Variants in SUDS3 observed in about 807,000 individuals in gnomAD.
SUDS3 encodes the protein SIN3A corepressor complex component SDS3.
In SUDS3, 23 loss-of-function variants were observed where a neutral mutation model predicts 53.5. The observed-to-expected ratio is 0.43, with a 90% CI of 0.31 to 0.61. The LOEUF is 0.61. SUDS3 is among the 20% of genes least tolerant of loss of function. The pLI, the probability that SUDS3 is intolerant of heterozygous loss-of-function variation, is 0.10. For missense variants in SUDS3, 291 were observed against 405.9 expected, an observed-to-expected ratio of 0.72 and a Z score of 2.43; for synonymous variants, 150 against 148.5, an observed-to-expected ratio of 1.01 and a Z score of -0.08.
chr12:118,397,840 A>G (rs2046229728), intron 6 of SUDS3, among the ~76,000 whole-genome samples: 1 of 152,036 alleles, frequency 6.6e-6, no homozygotes, highest in African/African-American at 2.4e-5. Flanking sequence ...GCTTACATCC[A>G]TCATGCATTG....
chr12:118,390,319 T>TA (rs895801613), intron 5 of SUDS3, among the ~76,000 whole-genome samples: 19 of 152,160 alleles, frequency 1.2e-4, no homozygotes, highest in African/African-American at 4.1e-4. Context: ...TCTGGGCCAG[T>TA]AAAAAAAGAC....
intron 2 of SUDS3, 93 bp downstream of exon 2, chr12:118,380,324 C>G (rs2046045163): frequency 1.8e-6 from 2 of 1,135,898 alleles, no homozygotes; most frequent in African/African-American, 3.1e-5. Context: ...TCAGATGCTC[C>G]AAAATCTAAA....
chr12:118,395,547 C>T (rs888370890), intron 6 of SUDS3, among the ~76,000 whole-genome samples: 1 of 151,824 alleles, frequency 6.6e-6, no homozygotes, highest in Non-Finnish European at 1.5e-5. Context: ...TTTTAATGTG[C>T]TTGAGGGTGC....
At chr12:118,382,270 A>T (rs1176414396) in intron 2 of SUDS3, among the ~76,000 whole-genome samples, 1 of 150,634 alleles carries the variant, frequency 6.6e-6, no homozygotes, top group Non-Finnish European at 1.5e-5. Context: ...CTGGTCTTGA[A>T]CTCCTGACCT....
rs570299261 is a variant in SUDS3 at position 118,398,182 on chromosome 12, A to G, written c.518-2477A>G. ...TGATAGAACTCCCGTTACGCCAGGCACTGTGCTAAGATTTCACACATATCA... is the reference window on the plus strand; with the variant it reads ...TGATAGAACTCCCGTTACGCCAGGCGCTGTGCTAAGATTTCACACATATCA... On this transcript the variant is annotated intron_variant, in intron 6 of 11. Coordinates refer to ENST00000543473, the MANE Select transcript of SUDS3 (RefSeq NM_022491.3). 1.2e-3 allele frequency among the ~76,000 whole-genome samples: 178 copies of G among 152,340 alleles called. 1 individual carries two copies. Among genetic ancestry groups the G allele is most frequent in the African/African-American group, 3.9e-3 (162 of 41,574 alleles).
intron 9 of SUDS3, chr12:118,402,212 A>T (rs2046269637): frequency 3.6e-6 from 2 of 552,786 alleles, no homozygotes; most frequent in African/African-American, 1.9e-5. Flanking sequence ...TGTTGTTTTT[A>T]TTTTTTTCTT....
At chr12:118,404,520 T>C (rs1202162536) in intron 10 of SUDS3, 1 of 152,264 alleles carries the variant, frequency 6.6e-6, no homozygotes, top group Non-Finnish European at 1.5e-5. Flanking sequence ...CATACTTTTG[T>C]TCATTCAACA....
At chr12:118,395,010 A>G (rs1044043476) in intron 6 of SUDS3, among the ~76,000 whole-genome samples, 5 of 151,998 alleles carry the variant, frequency 3.3e-5, no homozygotes, top group Admixed American at 1.3e-4. Flanking sequence ...AAACCCTAAG[A>G]TATATGTGGT....
chr12:118,395,243 T>TTTA (rs2046204137), intron 6 of SUDS3, among the ~76,000 whole-genome samples: 1 of 104,960 alleles, frequency 9.5e-6, no homozygotes, highest in African/African-American at 3.5e-5. Flanking sequence ...TTTTTTTTTT[T>TTTA]AAGACGGAGT....
At chr12:118,398,614 CT>C (rs375288763) in intron 6 of SUDS3, among the ~76,000 whole-genome samples, 8,228 of 113,182 alleles carry the variant, frequency 0.073, 336 homozygotes, top group African/African-American at 0.21. Context: ...ATGCAGAAGC[CT>C]TTTTTTTTTT....
At chr12:118,412,229 T>G (rs1044735711) in intron 11 of SUDS3, among the ~76,000 whole-genome samples, 2 of 152,204 alleles carry the variant, frequency 1.3e-5, no homozygotes, top group East Asian at 1.9e-4. Flanking sequence ...GTGTAACTTA[T>G]GTTGTTAGTT....
At chr12:118,411,456 A>G (rs2141394691) in intron 11 of SUDS3, among the ~76,000 whole-genome samples, 1 of 152,278 alleles carries the variant, frequency 6.6e-6, no homozygotes, top group Non-Finnish European at 1.5e-5. Context: ...ACAAAAAGCA[A>G]GTCTGTGTGG....
intron 11 of SUDS3, among the ~76,000 whole-genome samples, chr12:118,412,577 A>G (rs146536856): frequency 9.5e-4 from 145 of 152,286 alleles, no homozygotes; most frequent in African/African-American, 3.3e-3. Context: ...GCTAATAGAG[A>G]GACCTGGTCC....
chr12:118,380,130 T>G, intron 1 of SUDS3, 32 bp from the exon 2 acceptor site: 1 of 1,574,192 alleles, frequency 6.4e-7, no homozygotes, highest in Non-Finnish European at 8.7e-7. Context: ...AATTATGATT[T>G]TAACTAGCCC....
rs375157948 is a variant in SUDS3 at position 118,417,190 on chromosome 12, A to G, written c.*2757A>G. ...TTCATGCGGATACTAGTATTTATAG[A>G]TGTCTGACTACCTAACTTAATTTTT... On this transcript the variant is annotated 3_prime_UTR_variant, in exon 12 of 12. Coordinates refer to ENST00000543473, the MANE Select transcript of SUDS3 (RefSeq NM_022491.3). 3.9e-5 allele frequency: 6 copies of G among 152,098 alleles called. No homozygotes were observed. The highest frequency in any genetic ancestry group is 1.4e-4 in the African/African-American group (6 of 41,404). The allele number at this position is 152,098 out of a possible 1,614,324, so 9.4% of individuals were successfully genotyped here.
At position 118,376,572 on chromosome 12, in the gene SUDS3, C is replaced by G. The variant is rs1001363630; in HGVS notation, c.-120C>G. The G allele has an allele frequency of 4.1e-6, 5 of 1,210,020 alleles. No individual in the cohort carries two copies. The highest frequency in any genetic ancestry group is 5.2e-6 in the Non-Finnish European group (5 of 960,682). The allele number at this position is 1,210,020 out of a possible 1,614,324, so 75.0% of individuals were successfully genotyped here. A position where few individuals can be genotyped will look rare whatever the true frequency, so the allele number is the denominator to read the frequency against. On this transcript the variant is annotated 5_prime_UTR_variant, in exon 1 of 12. Transcript: ENST00000543473. ...AGCTCGGCGGAGACGGGGAAGGGGTCGCCGTGGCTGCCGGTCCTCGAGTTG... is the reference window on the plus strand; with the variant it reads ...AGCTCGGCGGAGACGGGGAAGGGGTGGCCGTGGCTGCCGGTCCTCGAGTTG...
intron 3 of SUDS3, 68 bp from the exon 4 acceptor site, chr12:118,386,046 T>A: frequency 1.6e-6 from 2 of 1,286,258 alleles, no homozygotes; most frequent in Non-Finnish European, 2.2e-6. Context: ...AGATAATAAT[T>A]TTAGGAAGCA....
At chr12:118,382,358 GAGACAGTAGCCAC>G (rs1566196236) in intron 2 of SUDS3, among the ~76,000 whole-genome samples, 2 of 79,082 alleles carry the variant, frequency 2.5e-5, no homozygotes, top group African/African-American at 2.0e-4. Flanking sequence ...ACTTTTTTTT[GAGACAGTAGCCAC>G]TTTTTTTTGA....
Position 118,384,048 on chromosome 12 carries a change from G to A in SUDS3, c.249G>A (p.Gln83=). 2 of 1,613,644 alleles carry A rather than the reference G, an allele frequency of 1.2e-6. No homozygotes were observed. The highest frequency in any genetic ancestry group is 1.7e-6 in the Non-Finnish European group (2 of 1,179,784). ...YQDKLASLKR[Q]LQQLQEGTLQ... is the part of the protein sequence containing the mutation. Reference sequence around the variant, plus strand: ...ACAAACTGGCTTCTCTCAAGAGGCAGTTGCAACAACTGCAAGAAGGTTGGT... The same window carrying A: ...ACAAACTGGCTTCTCTCAAGAGGCAATTGCAACAACTGCAAGAAGGTTGGT... The change falls in exon 3 of 12, where the codon CAG becomes CAA. Residue 83 remains glutamine, a synonymous_variant. Coordinates refer to ENST00000543473, the MANE Select transcript of SUDS3 (RefSeq NM_022491.3).
Sources: gnomAD v4.1 joint callset for allele counts (sites outside exome capture counted in the v4.1 genomes callset) on GRCh38, gnomAD v4.1.1 for gene constraint, MANE v1.5 for transcripts, NCBI Gene and HGNC (gene_info 2026-07-23, HGNC 2026-07-21) for gene names.